Variants in COL26A1 observed in about 807,000 individuals in gnomAD.
The protein encoded by COL26A1 is collagen type XXVI alpha 1 chain.
In COL26A1, 41 loss-of-function variants were observed where a neutral mutation model predicts 59.3. The observed-to-expected ratio is 0.69, with a 90% confidence interval of 0.54 to 0.90. The LOEUF (loss-of-function observed/expected upper bound fraction) is 0.90. Ranked by LOEUF, COL26A1 falls within the 40% of genes least tolerant of loss-of-function variation. The pLI, the probability that COL26A1 is intolerant of heterozygous loss-of-function variation, is 0.00. For missense variants in COL26A1, 612 were observed against 602.3 expected (o/e 1.02, Z -0.17); for synonymous variants, 266 against 256.0 (o/e 1.04, Z -0.37).
rs750819117 is a variant in COL26A1 at position 101,544,041 on chromosome 7, C to CG, written c.651dup (p.Ser218ValfsTer2). On this transcript the variant is annotated frameshift_variant, in exon 6 of 13. Coordinates refer to ENST00000313669, the MANE Select transcript of COL26A1 (RefSeq NM_001278563.3). LOFTEE classifies it high-confidence loss of function. ...GACCACCAGGGCCTGCAGGCCCCCC[C>CG]GGGTCTAAAGGTGACCGAGGCCAGA... The CG allele has an allele frequency of 2.5e-6, 4 of 1,600,980 alleles. No individual in the cohort carries two copies. Among genetic ancestry groups the CG allele is most frequent in the Non-Finnish European group, 3.4e-6 (4 of 1,174,534 alleles).
At chr7:101,376,771 G>A (rs1791328473) in intron 1 of COL26A1, among the ~76,000 whole-genome samples, 1 of 152,230 alleles carries the variant, frequency 6.6e-6, no homozygotes, top group Admixed American at 6.5e-5. Context: ...ATCCCCAGAT[G>A]TGATTGAGGA....
At position 101,363,068 on chromosome 7, in the gene COL26A1, C is replaced by G. The variant is rs1265354447; in HGVS notation, c.36C>G (p.Cys12Trp). The part of the protein sequence containing the change: ...KLALLLPWAC[C>W]CLCGSALATG... ...CCCTGCTCCTGCCCTGGGCGTGTTGCTGCCTCTGCGGGTCGGCGCTGGCCA... is the reference window on the plus strand; with the variant it reads ...CCCTGCTCCTGCCCTGGGCGTGTTGGTGCCTCTGCGGGTCGGCGCTGGCCA... The change falls in exon 1 of 13, where the codon TGC (cysteine) becomes TGG (tryptophan). Residue 12 changes from cysteine (C) to tryptophan (W), a missense_variant. By Grantham distance (215) the Cys-to-Trp change is radical. Transcript: ENST00000313669. 1 of 1,581,798 alleles carries G rather than the reference C, an allele frequency of 6.3e-7. No individual in the cohort carries two copies. The highest frequency in any genetic ancestry group is 1.1e-5 in the South Asian group (1 of 88,192).
rs115892489 is a variant in COL26A1, at chr7:101,389,988, T to A, written c.158+26798T>A. Among the ~76,000 whole-genome samples, 700 of 152,226 alleles carry A rather than the reference T, an allele frequency of 4.6e-3. 5 individuals carry two copies. The highest frequency in any genetic ancestry group is 0.016 in the African/African-American group (676 of 41,552). On this transcript the variant is annotated intron_variant, in intron 1 of 12. Transcript: ENST00000313669. ...TCACTCTGTTGATTGGATCTTTCGA[T>A]GCACAGAAATTTTTACTTTTGATGT...
chr7:101,387,763 TATATATATATATATA>T (rs1183915625), intron 1 of COL26A1, among the ~76,000 whole-genome samples: 3 of 64,892 alleles, frequency 4.6e-5, no homozygotes, highest in Non-Finnish European at 9.2e-5. Flanking sequence ...TTTATATATA[TATATATATATATATA>T]TTTTTTTTTA....
chr7:101,477,687 A>G (rs143512763), intron 3 of COL26A1, among the ~76,000 whole-genome samples: 4 of 152,312 alleles, frequency 2.6e-5, no homozygotes, highest in African/African-American at 9.6e-5. Flanking sequence ...ATAAGCCTCC[A>G]GATTTCTGCC....
At chr7:101,472,931 G>A (rs1793939076) in intron 3 of COL26A1, among the ~76,000 whole-genome samples, 1 of 152,160 alleles carries the variant, frequency 6.6e-6, no homozygotes, top group African/African-American at 2.4e-5. Flanking sequence ...CAGAATCCCT[G>A]AGCCTTGCTG....
At position 101,429,850 on chromosome 7, in the gene COL26A1, G is replaced by T. The variant is rs572317955; in HGVS notation, c.281+9751G>T. Among the ~76,000 whole-genome samples the T allele has an allele frequency of 2.8e-3, 430 of 151,834 alleles. 2 individuals carry two copies. The highest frequency in any genetic ancestry group is 4.0e-3 in the Non-Finnish European group (270 of 67,938). On this transcript the variant is annotated intron_variant, in intron 2 of 12. Coordinates refer to ENST00000313669, the MANE Select transcript of COL26A1 (RefSeq NM_001278563.3). Reference sequence around the variant, plus strand: ...TGGCCTCAAGCAGTCCTCCTGCCTTGGTCTCTCAAAGTGCTGGGATTACAG... The same window carrying T: ...TGGCCTCAAGCAGTCCTCCTGCCTTTGTCTCTCAAAGTGCTGGGATTACAG...
rs969909052 is a variant in COL26A1 at position 101,437,741 on chromosome 7, A to G, written c.282-9943A>G. ...AGGCACGTGCCACTACACCCCACTAATTTTTTTTTTTTTTTTAAGAGACGG... is the reference window on the plus strand; with the variant it reads ...AGGCACGTGCCACTACACCCCACTAGTTTTTTTTTTTTTTTTAAGAGACGG... On this transcript the variant is annotated intron_variant, in intron 2 of 12. Transcript: ENST00000313669. Among the ~76,000 whole-genome samples, 4 of 139,388 alleles carry G rather than the reference A, an allele frequency of 2.9e-5. No homozygotes were observed. The South Asian group carries it at 9.6e-4, about 33-fold the overall frequency. 91.4% of individuals were successfully genotyped at this position (139,388 alleles called of 152,430 possible). A position where few individuals can be genotyped will look rare whatever the true frequency, so the allele number is the denominator to read the frequency against.
At chr7:101,369,113 A>G (rs1474020409) in intron 1 of COL26A1, among the ~76,000 whole-genome samples, 1 of 151,984 alleles carries the variant, frequency 6.6e-6, no homozygotes, top group African/African-American at 2.4e-5. Flanking sequence ...GGCTCTATCA[A>G]AAAGCAAAGA....
At chr7:101,365,997 A>C (rs1461692148) in intron 1 of COL26A1, among the ~76,000 whole-genome samples, 1 of 152,208 alleles carries the variant, frequency 6.6e-6, no homozygotes, top group Non-Finnish European at 1.5e-5. Context: ...GGCTCAAACA[A>C]GTGTGGAATC....
At chr7:101,452,120 C>T (rs749620381) in intron 3 of COL26A1, among the ~76,000 whole-genome samples, 14 of 152,174 alleles carry the variant, frequency 9.2e-5, no homozygotes, top group Non-Finnish European at 1.3e-4. Flanking sequence ...GGGTGTCATA[C>T]GGCACGTGGG....
At chr7:101,521,258 T>G (rs545088446) in intron 3 of COL26A1, among the ~76,000 whole-genome samples, 1 of 152,302 alleles carries the variant, frequency 6.6e-6, no homozygotes, top group East Asian at 1.9e-4. Context: ...CCTCCCTTGA[T>G]ACATGGGGAT....
Position 101,518,958 on chromosome 7 carries a change from G to A in COL26A1, c.386-14124G>A, listed in dbSNP as rs187717150. Among the ~76,000 whole-genome samples, 206 of 152,298 alleles carry A rather than the reference G, an allele frequency of 1.4e-3. 1 individual carries two copies. Among genetic ancestry groups the A allele is most frequent in the African/African-American group, 4.8e-3 (200 of 41,568 alleles). ...CCAAGAAGTACTTGATCCTGAAAGAGTCTCGTCCCTCTATACTCACACCTT... is the reference window on the plus strand; with the variant it reads ...CCAAGAAGTACTTGATCCTGAAAGAATCTCGTCCCTCTATACTCACACCTT... On this transcript the variant is annotated intron_variant, in intron 3 of 12. Coordinates refer to ENST00000313669, the MANE Select transcript of COL26A1 (RefSeq NM_001278563.3).
chr7:101,363,037 A>G lies in COL26A1; in HGVS notation c.5A>G (p.Lys2Arg). The G allele has an allele frequency of 6.3e-7, 1 of 1,578,074 alleles. No individual in the cohort carries two copies. The highest frequency in any genetic ancestry group is 8.5e-7 in the Non-Finnish European group (1 of 1,171,390). M[K>R]LALLLPWACC... ...CCCCGCGGGCTGCTGCGCACGATGA[A>G]GCTGGCCCTGCTCCTGCCCTGGGCG... The change falls in exon 1 of 13, where the codon AAG becomes AGG. Residue 2 changes from lysine to arginine, a missense_variant. By Grantham distance (26) the Lys-to-Arg change is conservative. Coordinates refer to ENST00000313669, the MANE Select transcript of COL26A1 (RefSeq NM_001278563.3).
chr7:101,379,969 T>C (rs1791408575), intron 1 of COL26A1, among the ~76,000 whole-genome samples: 1 of 152,262 alleles, frequency 6.6e-6, no homozygotes, highest in African/African-American at 2.4e-5. Context: ...GAGTAGCCAT[T>C]CTCTATTCCT....
At chr7:101,445,977 G>A (rs1488441160) in intron 2 of COL26A1, among the ~76,000 whole-genome samples, 1 of 148,140 alleles carries the variant, frequency 6.8e-6, no homozygotes, top group African/African-American at 2.5e-5. Context: ...GAATCTGGGA[G>A]GCGGAGGTTG....
intron 1 of COL26A1, among the ~76,000 whole-genome samples, chr7:101,419,111 C>A (rs1347485411): frequency 8.7e-6 from 1 of 115,406 alleles, no homozygotes; most frequent in South Asian, 3.5e-4. Flanking sequence ...CTCCCCTCCC[C>A]TCTTCTCCCT....
intron 1 of COL26A1, among the ~76,000 whole-genome samples, chr7:101,397,870 G>A (rs1791897272): frequency 6.6e-6 from 1 of 152,138 alleles, no homozygotes; most frequent in Non-Finnish European, 1.5e-5. Context: ...ACAGCTTGAT[G>A]AGTTTCTACT....
intron 2 of COL26A1, among the ~76,000 whole-genome samples, chr7:101,440,668 G>A (rs959640597): frequency 6.6e-6 from 1 of 152,012 alleles, no homozygotes; most frequent in Admixed American, 6.6e-5. Flanking sequence ...CAGAATGAGG[G>A]GCCAAGAAAG....
Sources: gnomAD v4.1 joint callset for allele counts (sites outside exome capture counted in the v4.1 genomes callset) on GRCh38, gnomAD v4.1.1 for gene constraint, MANE v1.5 for transcripts, NCBI Gene and HGNC (gene_info 2026-07-23, HGNC 2026-07-21) for gene names.